Variants in KCNMA1 observed in about 807,000 individuals in gnomAD.
KCNMA1 encodes the protein potassium calcium-activated channel subfamily M alpha 1, also known as Calcium-activated potassium channel subunit alpha-1.
Under a neutral mutation model 140.0 loss-of-function variants are expected in KCNMA1, and 29 were observed. The observed-to-expected ratio is 0.21, with a 90% CI of 0.15 to 0.28. KCNMA1 has a LOEUF of 0.28. KCNMA1 is among the 10% of genes least tolerant of loss of function. The probability of loss-of-function intolerance (pLI) is 1.00; values close to 1 mark genes in which losing one functional copy is unlikely to be tolerated. For missense variants in KCNMA1, 880 were observed against 1,602.2 expected (o/e 0.55, Z 7.70); for synonymous variants, 612 against 611.9 (o/e 1.00, Z 0.00).
intron 23 of KCNMA1, among the ~76,000 whole-genome samples, chr10:76,924,473 ACATTTTATTTATGTAATG>A (rs1047843379): frequency 1.3e-5 from 2 of 152,196 alleles, no homozygotes; most frequent in African/African-American, 4.8e-5. Context: ...TAAAATAAAC[ACATTTTATTTATGTAATG>A]AAAAAAATTT....
intron 21 of KCNMA1, among the ~76,000 whole-genome samples, chr10:76,951,727 C>T (rs945163534): frequency 6.6e-6 from 1 of 152,188 alleles, no homozygotes; most frequent in Non-Finnish European, 1.5e-5. Flanking sequence ...GACAGCACCT[C>T]CCAGTCTCTT....
At chr10:77,422,053 A>T (rs1467744052) in intron 1 of KCNMA1, among the ~76,000 whole-genome samples, 1 of 152,266 alleles carries the variant, frequency 6.6e-6, no homozygotes, top group Non-Finnish European at 1.5e-5. Flanking sequence ...AAGCTCAGAG[A>T]TAGCCTTCAG....
chr10:77,093,681 G>T (rs149261662), intron 9 of KCNMA1, among the ~76,000 whole-genome samples: 2 of 152,276 alleles, frequency 1.3e-5, no homozygotes, highest in East Asian at 3.9e-4. Context: ...TTTGGGGAAG[G>T]ATATTATTGC....
intron 1 of KCNMA1, among the ~76,000 whole-genome samples, chr10:77,457,964 C>T (rs939484218): frequency 1.2e-4 from 18 of 151,638 alleles, no homozygotes; most frequent in African/African-American, 4.4e-4. Flanking sequence ...AATGTAAGGC[C>T]CAGAGCAGCC....
At chr10:76,901,208 T>C (rs752151637) in intron 25 of KCNMA1, 7 of 152,152 alleles carry the variant, frequency 4.6e-5, no homozygotes, top group Non-Finnish European at 1.0e-4. Flanking sequence ...ATCCATCCAT[T>C]TAGAAGGAAA....
At chr10:77,176,571 G>A (rs995843200) in intron 5 of KCNMA1, among the ~76,000 whole-genome samples, 42 of 152,076 alleles carry the variant, frequency 2.8e-4, no homozygotes, top group African/African-American at 1.0e-3. Context: ...CATGAAGCAT[G>A]GCCCCAAAGG....
chr10:77,089,388 A>G (rs768158827), intron 10 of KCNMA1, among the ~76,000 whole-genome samples: 33 of 152,182 alleles, frequency 2.2e-4, no homozygotes, highest in South Asian at 4.1e-4. Flanking sequence ...GACTGGCCCC[A>G]TGACAGCCCC....
At chr10:77,239,607 T>C (rs372626888) in intron 3 of KCNMA1, among the ~76,000 whole-genome samples, 1 of 152,206 alleles carries the variant, frequency 6.6e-6, no homozygotes, top group East Asian at 1.9e-4. Flanking sequence ...AAGAGACTGA[T>C]GAGGCAGCTC....
At chr10:77,468,152 T>C (rs963534406) in intron 1 of KCNMA1, among the ~76,000 whole-genome samples, 1 of 152,114 alleles carries the variant, frequency 6.6e-6, no homozygotes, top group African/African-American at 2.4e-5. Flanking sequence ...GGACTACAGA[T>C]GTGCACAACC....
intron 2 of KCNMA1, among the ~76,000 whole-genome samples, chr10:77,328,624 G>T (rs966274320): frequency 6.6e-6 from 1 of 152,124 alleles, no homozygotes; most frequent in African/African-American, 2.4e-5. Flanking sequence ...AAAGACTGAC[G>T]GGTGGTCATG....
downstream of KCNMA1, chr10:76,873,808 A>G (rs976923045): frequency 9.2e-5 from 14 of 152,288 alleles, no homozygotes; most frequent in Admixed American, 9.1e-4. Flanking sequence ...ATGAAACACA[A>G]TAGATTAAAA....
chr10:77,060,432 T>C (rs1319280601), intron 14 of KCNMA1, among the ~76,000 whole-genome samples: 1 of 152,196 alleles, frequency 6.6e-6, no homozygotes, highest in Non-Finnish European at 1.5e-5. Context: ...AATGGCACTG[T>C]CTATAGCCAT....
At chr10:76,993,923 C>G (rs998018225) in intron 19 of KCNMA1, among the ~76,000 whole-genome samples, 1 of 152,240 alleles carries the variant, frequency 6.6e-6, no homozygotes, top group Non-Finnish European at 1.5e-5. Flanking sequence ...GGAGGCCCCC[C>G]CAGGACTCTC....
At chr10:77,477,154 C>T (rs757777229) in intron 1 of KCNMA1, among the ~76,000 whole-genome samples, 12 of 152,214 alleles carry the variant, frequency 7.9e-5, no homozygotes, top group Non-Finnish European at 1.5e-4. Context: ...ATACCAACTT[C>T]GTGGATCCCA....
At chr10:77,263,886 G>A (rs1189568233) in intron 2 of KCNMA1, among the ~76,000 whole-genome samples, 1 of 152,122 alleles carries the variant, frequency 6.6e-6, no homozygotes, top group Non-Finnish European at 1.5e-5. Flanking sequence ...AAGACTTTCA[G>A]TGGGTTGAAA....
chr10:77,561,562 G>A (rs527500538), intron 1 of KCNMA1, among the ~76,000 whole-genome samples: 12 of 152,264 alleles, frequency 7.9e-5, no homozygotes, highest in South Asian at 2.1e-4. Context: ...ACTTTCTGGC[G>A]CAGAAGCAGA....
At chr10:77,625,797 C>G (rs2092423098) in intron 1 of KCNMA1, among the ~76,000 whole-genome samples, 1 of 152,210 alleles carries the variant, frequency 6.6e-6, no homozygotes, top group African/African-American at 2.4e-5. Context: ...GTAAATAATG[C>G]TGCTGTGAAC....
intron 2 of KCNMA1, among the ~76,000 whole-genome samples, chr10:77,268,498 G>A (rs561507724): frequency 1.3e-5 from 2 of 152,212 alleles, no homozygotes; most frequent in African/African-American, 4.8e-5. Context: ...AGATGATGGG[G>A]ACTGCTCTAC....
chr10:77,183,569 G>A (rs145336841), intron 4 of KCNMA1, 37 bp from the exon 5 acceptor site: 158 of 1,401,684 alleles, frequency 1.1e-4, no homozygotes, highest in Non-Finnish European at 1.5e-4. Context: ...GAAAAAACAT[G>A]AGAAGCATGG....
Sources: gnomAD v4.1 joint callset for allele counts (sites outside exome capture counted in the v4.1 genomes callset) on GRCh38, gnomAD v4.1.1 for gene constraint, MANE v1.5 for transcripts, NCBI Gene and HGNC (gene_info 2026-07-23, HGNC 2026-07-21) for gene names.